The following ALPK1 variants were observed in gnomAD, a reference collection of about 807,000 sequenced individuals.
ALPK1 encodes the protein alpha kinase 1.
Under a neutral mutation model 120.6 loss-of-function variants are expected in ALPK1, and 110 were observed. That is an observed-to-expected ratio of 0.91 (90% CI 0.78 to 1.07). ALPK1 has a LOEUF of 1.07. Among genes scored for constraint, ALPK1 ranks in the 50% least tolerant of loss-of-function variants. The pLI, the probability that ALPK1 is intolerant of heterozygous loss-of-function variation, is 0.00. For missense variants in ALPK1, 1,498 were observed against 1,483.9 expected (o/e 1.01, Z -0.16); for synonymous variants, 582 against 560.3 (o/e 1.04, Z -0.55).
chr4:112,376,247 G>A (rs952068697), intron 2 of ALPK1, among the ~76,000 whole-genome samples: 1 of 152,184 alleles, frequency 6.6e-6, no homozygotes, highest in East Asian at 1.9e-4. Context: ...TCTCACTTAA[G>A]TGAATGCCCT....
chr4:112,434,485 C>A (rs1734706572), intron 11 of ALPK1, among the ~76,000 whole-genome samples: 1 of 152,376 alleles, frequency 6.6e-6, no homozygotes, highest in Non-Finnish European at 1.5e-5. Flanking sequence ...AAGTGTTGCA[C>A]TCCTTCCTTA....
chr4:112,355,567 G>T (rs879475411), intron 2 of ALPK1, among the ~76,000 whole-genome samples: 9 of 152,216 alleles, frequency 5.9e-5, no homozygotes, highest in Non-Finnish European at 1.0e-4. Context: ...AATGATGGTG[G>T]CTGGGCCTAG....
chr4:112,422,803 G>A (rs952920760), intron 5 of ALPK1, among the ~76,000 whole-genome samples: 20 of 152,236 alleles, frequency 1.3e-4, no homozygotes, highest in African/African-American at 3.6e-4. Flanking sequence ...GCCAAGCAGA[G>A]GCCTTGGGGG....
Position 112,441,218 on chromosome 4 carries a change from C to A in ALPK1, c.*8C>A. On this transcript the variant is annotated 3_prime_UTR_variant, in exon 16 of 16. Coordinates refer to ENST00000650871, the MANE Select transcript of ALPK1 (RefSeq NM_025144.4). ...CTCCTTCCAGGCACATAGAATACGG[C>A]ACAGTCTGGTCCTTTGGGGCTTGGG... 6.4e-7 allele frequency: 1 copy of A among 1,569,998 alleles called. No individual in the cohort carries two copies. Among genetic ancestry groups the A allele is most frequent in the Non-Finnish European group, 8.8e-7 (1 of 1,139,894 alleles).
In ALPK1 at chr4:112,349,055, G is replaced by GT. The variant is rs576793050; in HGVS notation, c.-100-28613dup. 7.1e-3 allele frequency among the ~76,000 whole-genome samples: 1,036 copies of GT among 145,590 alleles called. 5 individuals are homozygous for GT. Among genetic ancestry groups the GT allele is most frequent in the Non-Finnish European group, 8.9e-3 (587 of 65,618 alleles). On this transcript the variant is annotated intron_variant, in intron 2 of 15. Transcript: ENST00000650871. ...ACCAAGTTGGCTGGATGCAGTTTTT[G>GT]TTTTTTTTTTGTCTTGTTTTAAGCA...
At chr4:112,401,228 G>T (rs1407269327) in intron 4 of ALPK1, among the ~76,000 whole-genome samples, 1 of 152,172 alleles carries the variant, frequency 6.6e-6, no homozygotes, top group Non-Finnish European at 1.5e-5. Flanking sequence ...GAGGAGACAA[G>T]AATGCTTTTT....
intron 1 of ALPK1, among the ~76,000 whole-genome samples, chr4:112,304,936 A>T (rs1727963948): frequency 6.6e-6 from 1 of 152,114 alleles, no homozygotes; most frequent in Admixed American, 6.5e-5. Context: ...GTAAGGTGTA[A>T]GGAAGGGATC....
chr4:112,323,143 C>T (rs1257651644), intron 2 of ALPK1, among the ~76,000 whole-genome samples: 4 of 152,224 alleles, frequency 2.6e-5, no homozygotes, highest in Non-Finnish European at 5.9e-5. Flanking sequence ...TCCACCCCTG[C>T]TCCTCAGAGC....
At chr4:112,376,985 A>T (rs114586520) in intron 2 of ALPK1, among the ~76,000 whole-genome samples, 1 of 152,144 alleles carries the variant, frequency 6.6e-6, no homozygotes, top group African/African-American at 2.4e-5. Context: ...TCTTGAAATT[A>T]CCTTGACGGC....
chr4:112,357,482 A>C (rs1730689613), intron 2 of ALPK1: 1 of 733,800 alleles, frequency 1.4e-6, no homozygotes, highest in African/African-American at 1.7e-5. Context: ...GTGCTGAGCT[A>C]CTGGTGCTTC....
chr4:112,369,931 G>A (rs1454349351), intron 2 of ALPK1, among the ~76,000 whole-genome samples: 1 of 152,002 alleles, frequency 6.6e-6, no homozygotes, highest in Non-Finnish European at 1.5e-5. Context: ...AAAGATCATC[G>A]CTCATATTTC....
chr4:112,308,748 C>T (rs1351406861), intron 1 of ALPK1, among the ~76,000 whole-genome samples: 1 of 152,124 alleles, frequency 6.6e-6, no homozygotes, highest in Non-Finnish European at 1.5e-5. Flanking sequence ...TCTCTGAACT[C>T]GTCAAAGTCA....
intron 3 of ALPK1, among the ~76,000 whole-genome samples, chr4:112,381,922 A>T (rs1253856598): frequency 6.6e-6 from 1 of 152,222 alleles, no homozygotes; most frequent in Non-Finnish European, 1.5e-5. Flanking sequence ...TATTTTCTGT[A>T]TTCAAATGTA....
chr4:112,380,449 T>G (rs907826729), intron 3 of ALPK1, among the ~76,000 whole-genome samples: 1 of 152,166 alleles, frequency 6.6e-6, no homozygotes, highest in African/African-American at 2.4e-5. Flanking sequence ...TAAGCCATCC[T>G]CGGTAATCAG....
intron 4 of ALPK1, among the ~76,000 whole-genome samples, chr4:112,399,394 T>C (rs1480639755): frequency 6.6e-6 from 1 of 152,182 alleles, no homozygotes; most frequent in Non-Finnish European, 1.5e-5. Flanking sequence ...CTGGATTTGT[T>C]AGCAACCTTG....
intron 2 of ALPK1, among the ~76,000 whole-genome samples, chr4:112,330,938 G>C (rs1477286424): frequency 1.3e-5 from 2 of 152,164 alleles, no homozygotes; most frequent in Non-Finnish European, 2.9e-5. Context: ...CCTACATCCA[G>C]AACACATGTC....
chr4:112,440,877 C>A, intron 14 of ALPK1, 40 bp from the exon 15 acceptor site: 1 of 1,552,096 alleles, frequency 6.4e-7, no homozygotes, highest in Non-Finnish European at 8.7e-7. Flanking sequence ...TGGACATTTA[C>A]AGGGAATTTA....
At chr4:112,357,925 G>T in intron 2 of ALPK1, 1 of 921,554 alleles carries the variant, frequency 1.1e-6, no homozygotes. Context: ...TGAGACCATG[G>T]GTGCTTACTA....
Position 112,388,383 on chromosome 4 carries a change from A to C in ALPK1, c.276+5831A>C, listed in dbSNP as rs539139817. The stretch of plus-strand genomic sequence containing the variant: ...GAAAGCAAAGTATGAATTTATTAGG[A>C]AATGAAATATCAAGTTAAAGAAAGT... On this transcript the variant is annotated intron_variant, in intron 4 of 15. Transcript: ENST00000650871. Among the ~76,000 whole-genome samples the C allele has an allele frequency of 2.6e-5, 4 of 152,334 alleles. No individual in the cohort carries two copies. In the East Asian group the frequency reaches 7.7e-4, roughly 29 times the overall value.
Sources: gnomAD v4.1 joint callset for allele counts (sites outside exome capture counted in the v4.1 genomes callset) on GRCh38, gnomAD v4.1.1 for gene constraint, MANE v1.5 for transcripts, NCBI Gene and HGNC (gene_info 2026-07-23, HGNC 2026-07-21) for gene names.